Variants in DENND1A observed in about 807,000 individuals in gnomAD.
DENND1A encodes DENN domain-containing protein 1A.
DENND1A carries 51 observed loss-of-function variants against 113.7 expected under a neutral mutation model. The observed-to-expected ratio is 0.45, with a 90% confidence interval of 0.36 to 0.57. The LOEUF (loss-of-function observed/expected upper bound fraction) is 0.57, where lower values mean the gene tolerates loss of function less well. DENND1A is among the 20% of genes least tolerant of loss of function. The pLI, the probability that DENND1A is intolerant of heterozygous loss-of-function variation, is 0.00. For synonymous variants in DENND1A, 565 were observed against 570.8 expected (o/e 0.99, Z 0.14); for missense variants, 1,258 against 1,395.9 (o/e 0.90, Z 1.57).
chr9:123,579,405 A>AT (rs1437970128), intron 12 of DENND1A, among the ~76,000 whole-genome samples: 2 of 152,162 alleles, frequency 1.3e-5, no homozygotes, highest in African/African-American at 4.8e-5. Flanking sequence ...TTGTCCTTAA[A>AT]TGTTTTTTTG....
intron 5 of DENND1A, among the ~76,000 whole-genome samples, chr9:123,693,928 A>G (rs994930753): frequency 1.3e-5 from 2 of 151,246 alleles, no homozygotes; most frequent in African/African-American, 2.4e-5. Context: ...CCCAGGTTCC[A>G]GCAATCCTCC....
chr9:123,607,285 T>C (rs1479481789), intron 11 of DENND1A, among the ~76,000 whole-genome samples: 2 of 151,476 alleles, frequency 1.3e-5, no homozygotes, highest in African/African-American at 4.8e-5. Flanking sequence ...AAAGTGTCAA[T>C]GAAGGCAGTG....
chr9:123,667,976 T>C (rs1483548338), intron 7 of DENND1A, among the ~76,000 whole-genome samples: 2 of 152,006 alleles, frequency 1.3e-5, no homozygotes, highest in African/African-American at 4.8e-5. Flanking sequence ...AGTTGAAAAA[T>C]TGACCTCTTC....
chr9:123,414,698 A>C lies in DENND1A; in HGVS notation c.1489-2869T>G, dbSNP rs1008558957. Reference sequence around the variant, plus strand: ...AGTCCTATTTCCCAAGTTTATTTGAACATAGACTTGCTTTCCCTATACCAC... The same window carrying C: ...AGTCCTATTTCCCAAGTTTATTTGACCATAGACTTGCTTTCCCTATACCAC... On this transcript the variant is annotated intron_variant, in intron 19 of 23. Transcript: ENST00000394215. 37 of 1,411,028 alleles carry C rather than the reference A, an allele frequency of 2.6e-5. No homozygotes were observed. In the African/African-American group the frequency reaches 4.7e-4, roughly 18 times the overall value. The allele number at this position is 1,411,028 out of a possible 1,614,324, so 87.4% of individuals were successfully genotyped here.
chr9:123,527,897 T>C (rs1314439403), intron 13 of DENND1A, among the ~76,000 whole-genome samples: 2 of 152,226 alleles, frequency 1.3e-5, no homozygotes, highest in Admixed American at 6.5e-5. Context: ...CTGCGACTGA[T>C]TGTTTAATGT....
intron 5 of DENND1A, among the ~76,000 whole-genome samples, chr9:123,757,152 C>G (rs761005910): frequency 3.9e-5 from 6 of 152,160 alleles, no homozygotes; most frequent in Non-Finnish European, 8.8e-5. Flanking sequence ...AAGTGTGGCT[C>G]TGGTGTATGA....
At chr9:123,464,637 ACTT>A (rs2048787918) in intron 13 of DENND1A, among the ~76,000 whole-genome samples, 1 of 152,134 alleles carries the variant, frequency 6.6e-6, no homozygotes, top group African/African-American at 2.4e-5. Flanking sequence ...AGACAAAAAA[ACTT>A]CTGGAGATGG....
intron 3 of DENND1A, among the ~76,000 whole-genome samples, chr9:123,785,240 G>C (rs749105652): frequency 6.6e-5 from 10 of 151,970 alleles, no homozygotes; most frequent in Non-Finnish European, 1.2e-4. Flanking sequence ...CCAGCTACTC[G>C]GGAGGCTGAG....
At chr9:123,778,393 C>T (rs532247282) in intron 3 of DENND1A, among the ~76,000 whole-genome samples, 1 of 152,312 alleles carries the variant, frequency 6.6e-6, no homozygotes, top group East Asian at 1.9e-4. Context: ...ACAAGGCAGT[C>T]TTTCGATCAA....
intron 13 of DENND1A, among the ~76,000 whole-genome samples, chr9:123,460,600 G>A (rs769042334): frequency 2.6e-5 from 4 of 152,278 alleles, no homozygotes; most frequent in Non-Finnish European, 4.4e-5. Flanking sequence ...TACCCACAGT[G>A]GACCTATCAG....
At chr9:123,500,868 G>C (rs2052419429) in intron 13 of DENND1A, among the ~76,000 whole-genome samples, 1 of 152,242 alleles carries the variant, frequency 6.6e-6, no homozygotes, top group Admixed American at 6.5e-5. Context: ...CAGAGTGCTA[G>C]AGGGTTGCTG....
intron 1 of DENND1A, among the ~76,000 whole-genome samples, chr9:123,917,167 G>C (rs573187335): frequency 6.6e-6 from 1 of 151,890 alleles, no homozygotes; most frequent in African/African-American, 2.4e-5. Context: ...CCAGGCGACC[G>C]AGCAAGACCC....
intron 11 of DENND1A, among the ~76,000 whole-genome samples, chr9:123,603,484 T>C (rs903704883): frequency 6.6e-6 from 1 of 152,210 alleles, no homozygotes; most frequent in East Asian, 1.9e-4. Context: ...AGCACTTGTA[T>C]GTTTGAAAAA....
At chr9:123,475,162 G>A (rs1362270321) in intron 13 of DENND1A, among the ~76,000 whole-genome samples, 1 of 152,098 alleles carries the variant, frequency 6.6e-6, no homozygotes, top group Non-Finnish European at 1.5e-5. Flanking sequence ...GGAATTACAG[G>A]CGCCCGCCAA....
intron 13 of DENND1A, among the ~76,000 whole-genome samples, chr9:123,506,167 C>G (rs1248713849): frequency 1.3e-5 from 2 of 152,270 alleles, no homozygotes. Context: ...CTTTTCTGTG[C>G]TTTAGTTTTT....
chr9:123,818,024 T>C (rs950551442), intron 2 of DENND1A, among the ~76,000 whole-genome samples: 1 of 147,332 alleles, frequency 6.8e-6, no homozygotes, highest in Non-Finnish European at 1.5e-5. Flanking sequence ...GAGACTCCGT[T>C]AAAAAAAAAA....
At chr9:123,771,219 T>G (rs565370791) in intron 3 of DENND1A, among the ~76,000 whole-genome samples, 2 of 152,314 alleles carry the variant, frequency 1.3e-5, no homozygotes, top group Non-Finnish European at 2.9e-5. Context: ...CAATAGGTAA[T>G]ACAGAATCAG....
intron 13 of DENND1A, among the ~76,000 whole-genome samples, chr9:123,522,348 C>T (rs940468558): frequency 1.3e-5 from 2 of 152,114 alleles, no homozygotes; most frequent in Non-Finnish European, 2.9e-5. Context: ...TATGAAAATA[C>T]GTATCTGAAA....
At chr9:123,632,382 A>G (rs978094804) in intron 9 of DENND1A, among the ~76,000 whole-genome samples, 3 of 152,180 alleles carry the variant, frequency 2.0e-5, no homozygotes, top group Non-Finnish European at 4.4e-5. Context: ...ATAGATATAT[A>G]TATCTCACAT....
Sources: gnomAD v4.1 joint callset for allele counts (sites outside exome capture counted in the v4.1 genomes callset) on GRCh38, gnomAD v4.1.1 for gene constraint, MANE v1.5 for transcripts, NCBI Gene and HGNC (gene_info 2026-07-23, HGNC 2026-07-21) for gene names.